Variants in NR5A2 observed in about 807,000 individuals in gnomAD.
NR5A2 encodes CYP7A promoter-binding factor.
Under a neutral mutation model 62.7 loss-of-function variants are expected in NR5A2, and 26 were observed. That is an observed-to-expected ratio of 0.41 (90% confidence interval 0.30 to 0.58). The LOEUF is 0.58. Ranked by LOEUF, NR5A2 falls within the 20% of genes least tolerant of loss-of-function variation. NR5A2 has a pLI of 0.22. For synonymous variants in NR5A2, 246 were observed against 241.7 expected (o/e 1.02, Z -0.16); for missense variants, 541 against 669.1 (o/e 0.81, Z 2.11).
chr1:200,132,018 T>A lies in NR5A2; in HGVS notation c.1378+11063T>A, dbSNP rs555006504. On this transcript the variant is annotated intron_variant, in intron 7 of 7. Coordinates refer to ENST00000367362, the MANE Select transcript of NR5A2 (RefSeq NM_205860.3). ...CAAGCTATGAAATGACAACATAGAGTCTTTTTTTTGTTTGAGATGGAGTCT... is the reference window on the plus strand; with the variant it reads ...CAAGCTATGAAATGACAACATAGAGACTTTTTTTTGTTTGAGATGGAGTCT... Among the ~76,000 whole-genome samples, 4 of 151,758 alleles carry A rather than the reference T, an allele frequency of 2.6e-5. 1 individual carries two copies. The South Asian group carries it at 8.4e-4, about 32-fold the overall frequency.
rs114692818 is a variant in NR5A2, at chr1:200,167,663, T to C, written c.1379-6300T>C. Among the ~76,000 whole-genome samples the C allele has an allele frequency of 6.6e-3, 1,009 of 152,342 alleles. 15 individuals carry two copies. The highest frequency in any genetic ancestry group is 0.023 in the African/African-American group (948 of 41,572). ...GGAACAAAATCCAGACCATCTGACA[T>C]GCAGCACTCTTCACAGTCTTAAACC... is the stretch of plus-strand genomic sequence containing the variant. On this transcript the variant is annotated intron_variant, in intron 7 of 7. Coordinates refer to ENST00000367362, the MANE Select transcript of NR5A2 (RefSeq NM_205860.3).
intron 5 of NR5A2, among the ~76,000 whole-genome samples, chr1:200,108,203 C>T (rs1278902289): frequency 3.9e-5 from 6 of 152,036 alleles, no homozygotes; most frequent in Non-Finnish European, 7.4e-5. Context: ...AAGCAGTCCT[C>T]CCACCTCAGC....
chr1:200,128,135 C>G (rs1666810448), intron 7 of NR5A2, among the ~76,000 whole-genome samples: 1 of 152,068 alleles, frequency 6.6e-6, no homozygotes, highest in Admixed American at 6.6e-5. Context: ...CCTGTTTATA[C>G]CAAAATCTGC....
At position 200,135,107 on chromosome 1, in the gene NR5A2, G is replaced by A. The variant is rs117455971; in HGVS notation, c.1378+14152G>A. The stretch of plus-strand genomic sequence containing the variant: ...TGTGACTGGACTCAGCATGGCTAAC[G>A]TGCTCATGACCACACAGCTAGGCAT... On this transcript the variant is annotated intron_variant, in intron 7 of 7. Coordinates refer to ENST00000367362, the MANE Select transcript of NR5A2 (RefSeq NM_205860.3). Among the ~76,000 whole-genome samples, 30 of 152,322 alleles carry A rather than the reference G, an allele frequency of 2.0e-4. 2 individuals are homozygous for A. In the East Asian group the frequency reaches 5.0e-3, roughly 25 times the overall value.
intron 7 of NR5A2, among the ~76,000 whole-genome samples, chr1:200,165,587 G>T (rs980987632): frequency 6.6e-6 from 1 of 152,148 alleles, no homozygotes; most frequent in Non-Finnish European, 1.5e-5. Context: ...ATGTCACACA[G>T]TTGGAATCAT....
chr1:200,145,604 C>T (rs1001982775), intron 7 of NR5A2, among the ~76,000 whole-genome samples: 2 of 151,968 alleles, frequency 1.3e-5, no homozygotes, highest in African/African-American at 4.8e-5. Context: ...GGTCGGGTTA[C>T]ACTAGGTTCT....
Position 200,147,634 on chromosome 1 carries a change from T to C in NR5A2, c.1379-26329T>C. 1 of 710,058 alleles carries C rather than the reference T, an allele frequency of 1.4e-6. No homozygotes were observed. The highest frequency in any genetic ancestry group is 3.1e-5 in the East Asian group (1 of 32,416). The allele number at this position is 710,058 out of a possible 1,614,324, so 44.0% of individuals were successfully genotyped here. A position where few individuals can be genotyped will look rare whatever the true frequency, so the allele number is the denominator to read the frequency against. On this transcript the variant is annotated intron_variant, in intron 7 of 7. Coordinates refer to ENST00000367362, the MANE Select transcript of NR5A2 (RefSeq NM_205860.3). The surrounding 1 kb of genome is among the most constrained non-coding windows in gnomAD (Gnocchi z 4.9). ...GCACAGGCAGCGCCGCAGCTTGCCCTGGATCTTGTCGATTGAGTTGAAGTC... is the reference window on the plus strand; with the variant it reads ...GCACAGGCAGCGCCGCAGCTTGCCCCGGATCTTGTCGATTGAGTTGAAGTC...
chr1:200,029,233 G>C (rs1661459777), intron 1 of NR5A2: 1 of 205,240 alleles, frequency 4.9e-6, no homozygotes, highest in African/African-American at 2.4e-5. Flanking sequence ...CGGGGGACGC[G>C]CGCTCGGGGG....
Position 200,176,505 on chromosome 1 carries a change from G to A in NR5A2, c.*2295G>A, listed in dbSNP as rs1654427915. 1 of 152,262 alleles carries A rather than the reference G, an allele frequency of 6.6e-6. No individual in the cohort carries two copies. The highest frequency in any genetic ancestry group is 2.4e-5 in the African/African-American group (1 of 41,416). 9.4% of individuals were successfully genotyped at this position (152,262 alleles called of 1,614,324 possible). A position where few individuals can be genotyped will look rare whatever the true frequency, so the allele number is the denominator to read the frequency against. ...CCCTCCCCAGCTGAAAAACAAGTTG[G>A]CTAGAAGATACATGGAGAGGAATGG... On this transcript the variant is annotated 3_prime_UTR_variant, in exon 8 of 8. Transcript: ENST00000367362.
intron 7 of NR5A2, among the ~76,000 whole-genome samples, chr1:200,121,703 T>G (rs1480470224): frequency 6.6e-6 from 1 of 152,232 alleles, no homozygotes; most frequent in Admixed American, 6.5e-5. Context: ...AAAGCCAACT[T>G]AAATAAACTT....
intron 5 of NR5A2, among the ~76,000 whole-genome samples, chr1:200,091,929 G>A (rs909110454): frequency 2.0e-5 from 3 of 152,116 alleles, no homozygotes; most frequent in African/African-American, 2.4e-5. Context: ...TTCAAAGTGC[G>A]GTACATGAAC....
intron 7 of NR5A2, among the ~76,000 whole-genome samples, chr1:200,146,431 T>C (rs1236204037): frequency 6.6e-6 from 1 of 152,212 alleles, no homozygotes; most frequent in Non-Finnish European, 1.5e-5. Context: ...GGTTTTTTAA[T>C]GTGATACAGT....
chr1:200,117,769 A>G (rs1211548011), intron 6 of NR5A2, among the ~76,000 whole-genome samples: 1 of 151,364 alleles, frequency 6.6e-6, no homozygotes, highest in East Asian at 1.9e-4. Context: ...GCTGGAGTGC[A>G]ATGGCGCAAT....
At position 200,174,238 on chromosome 1, in the gene NR5A2, A is replaced by G. The variant is rs760079892; in HGVS notation, c.*28A>G. Reference sequence around the variant, plus strand: ...TACAACCCCTAGGAGCTCTGCTTTCAAAACAAAAAGAGATTGGGGGAGTGG... The same window carrying G: ...TACAACCCCTAGGAGCTCTGCTTTCGAAACAAAAAGAGATTGGGGGAGTGG... On this transcript the variant is annotated 3_prime_UTR_variant, in exon 8 of 8. Transcript: ENST00000367362. The G allele has an allele frequency of 2.0e-6, 3 of 1,505,448 alleles. No homozygotes were observed. The highest frequency in any genetic ancestry group is 1.8e-4 in the Middle Eastern group (1 of 5,600). The allele number at this position is 1,505,448 out of a possible 1,614,324, so 93.3% of individuals were successfully genotyped here. A position where few individuals can be genotyped will look rare whatever the true frequency, so the allele number is the denominator to read the frequency against.
intron 7 of NR5A2, among the ~76,000 whole-genome samples, chr1:200,148,922 T>TC (rs1667856045): frequency 6.6e-6 from 1 of 150,746 alleles, no homozygotes; most frequent in Non-Finnish European, 1.5e-5. Flanking sequence ...TTTTTTTTTT[T>TC]TTTTCCTTTG....
intron 7 of NR5A2, among the ~76,000 whole-genome samples, chr1:200,127,448 G>T (rs180685655): frequency 6.6e-6 from 1 of 151,644 alleles, no homozygotes; most frequent in African/African-American, 2.4e-5. Context: ...AGGCCAAGGC[G>T]GGTGGATCAC....
At chr1:200,052,724 C>T (rs1336675854) in intron 5 of NR5A2, among the ~76,000 whole-genome samples, 1 of 151,974 alleles carries the variant, frequency 6.6e-6, no homozygotes, top group East Asian at 1.9e-4. Flanking sequence ...TCATTGCAAG[C>T]TCCGCCTCTT....
chr1:200,097,315 A>G (rs913366289), intron 5 of NR5A2, among the ~76,000 whole-genome samples: 1 of 152,164 alleles, frequency 6.6e-6, no homozygotes, highest in Non-Finnish European at 1.5e-5. Flanking sequence ...ACTGTGTGAA[A>G]TCCAAAGGCA....
intron 6 of NR5A2, among the ~76,000 whole-genome samples, chr1:200,120,374 T>C (rs1401775276): frequency 6.6e-6 from 1 of 152,240 alleles, no homozygotes; most frequent in Non-Finnish European, 1.5e-5. Flanking sequence ...AAATTTTTTA[T>C]CTTATGTGAT....
Sources: gnomAD v4.1 joint callset for allele counts (sites outside exome capture counted in the v4.1 genomes callset) on GRCh38, gnomAD v4.1.1 for gene constraint, Gnocchi (gnomAD v3.1) non-coding constraint, MANE v1.5 for transcripts, NCBI Gene and HGNC (gene_info 2026-07-23, HGNC 2026-07-21) for gene names.